WNK1: variants seen among roughly 807,000 people sequenced by gnomAD.
The protein encoded by WNK1 is serine/threonine-protein kinase WNK1.
A neutral mutation model predicts 222.8 loss-of-function variants in WNK1; 38 were observed. That is an observed-to-expected ratio of 0.17 (90% confidence interval 0.13 to 0.22). The LOEUF (loss-of-function observed/expected upper bound fraction) is 0.22. Ranked by LOEUF, WNK1 falls within the 10% of genes least tolerant of loss-of-function variation. The pLI is 1.00. For missense variants in WNK1, 2,348 were observed against 2,918.4 expected (o/e 0.80, Z 4.50); for synonymous variants, 1,090 against 1,092.9 (o/e 1.00, Z 0.05).
chr12:868,833 A>G lies in WNK1; in HGVS notation c.2140-2432A>G, dbSNP rs773666179. On this transcript the variant is annotated intron_variant, in intron 8 of 27. Transcript: ENST00000315939. ...CCAGAATTGACCGTTTCTGTGGTAG[A>G]GCCTATCGGACAGAACTGGCCAATA... 11 of 1,614,050 alleles carry G rather than the reference A, an allele frequency of 6.8e-6. No homozygotes were observed. The South Asian group carries it at 1.2e-4, about 18-fold the overall frequency.
chr12:837,606 A>G (rs1949297556), intron 4 of WNK1, among the ~76,000 whole-genome samples: 1 of 151,808 alleles, frequency 6.6e-6, no homozygotes, highest in South Asian at 2.1e-4. Flanking sequence ...AAGAAAAGAA[A>G]AAAGATAGAA....
rs186306447 is a variant in WNK1, at chr12:900,748, G to A, written c.6643+78G>A. 105 of 1,567,420 alleles carry A rather than the reference G, an allele frequency of 6.7e-5. 1 individual carries two copies. The Middle Eastern group carries it at 2.8e-3, about 42-fold the overall frequency. ...ACCTGGGACAAAAGCCTGTTAAGGC[G>A]GGTTGGGAGACTAGCTGACCAGAAC... On this transcript the variant is annotated intron_variant, in intron 26 of 27. Transcript: ENST00000315939.
rs577468753 is a variant in WNK1 at position 776,686 on chromosome 12, T to C, written c.759+22362T>C. 4.6e-5 allele frequency among the ~76,000 whole-genome samples: 7 copies of C among 152,198 alleles called. No individual in the cohort carries two copies. In the South Asian group the frequency reaches 1.5e-3, roughly 32 times the overall value. On this transcript the variant is annotated intron_variant, in intron 1 of 27. Transcript: ENST00000315939. ...ACCTCGTGATCTGCCCGCCTTGGCC[T>C]CCCAAAGCGCTGGGATTACAGGTGT...
chr12:833,364 A>G (rs1274112302), intron 4 of WNK1, among the ~76,000 whole-genome samples: 2 of 152,224 alleles, frequency 1.3e-5, no homozygotes, highest in African/African-American at 2.4e-5. Context: ...GTTTGCTGAT[A>G]TCAGAGCAAG....
At chr12:768,703 T>G (rs563390073) in intron 1 of WNK1, among the ~76,000 whole-genome samples, 4 of 152,350 alleles carry the variant, frequency 2.6e-5, no homozygotes, top group African/African-American at 9.6e-5. Context: ...GTTTTAAACA[T>G]CTGCCATTCT....
chr12:763,210 T>A (rs976727134), intron 1 of WNK1, among the ~76,000 whole-genome samples: 5 of 147,452 alleles, frequency 3.4e-5, no homozygotes, highest in African/African-American at 9.7e-5. Context: ...GCATTAACAG[T>A]GTGAATATGC....
At position 752,792 on chromosome 12, in the gene WNK1, C is replaced by T. The variant is rs986598480; in HGVS notation, c.-774C>T. Reference sequence around the variant, plus strand: ...GGGCCCCGCGGTGAGCGGCCCTCCCCTCCCCGCCGTTCCCTCCTCCGTCAG... The same window carrying T: ...GGGCCCCGCGGTGAGCGGCCCTCCCTTCCCCGCCGTTCCCTCCTCCGTCAG... On this transcript the variant is annotated 5_prime_UTR_variant, in exon 1 of 28. Coordinates refer to ENST00000315939, the MANE Select transcript of WNK1 (RefSeq NM_018979.4). 2.6e-5 allele frequency: 4 copies of T among 152,344 alleles called. No homozygotes were observed. Among genetic ancestry groups the T allele is most frequent in the Non-Finnish European group, 2.9e-5 (2 of 68,170 alleles). The allele number at this position is 152,344 out of a possible 1,614,324, so 9.4% of individuals were successfully genotyped here. A position where few individuals can be genotyped will look rare whatever the true frequency, so the allele number is the denominator to read the frequency against.
intron 1 of WNK1, among the ~76,000 whole-genome samples, chr12:759,037 T>C (rs1242295665): frequency 6.8e-6 from 1 of 146,820 alleles, no homozygotes; most frequent in African/African-American, 2.4e-5. Context: ...TGTATATAAA[T>C]ATAAATAAAA....
chr12:825,160 G>A (rs546491861), intron 2 of WNK1, among the ~76,000 whole-genome samples: 5 of 152,118 alleles, frequency 3.3e-5, no homozygotes, highest in South Asian at 4.2e-4. Flanking sequence ...CCATCATATC[G>A]GAAAATGCCC....
chr12:844,141 T>G (rs1380893800), intron 4 of WNK1, among the ~76,000 whole-genome samples: 1 of 146,732 alleles, frequency 6.8e-6, no homozygotes, highest in Non-Finnish European at 1.5e-5. Context: ...TTTTATTTTA[T>G]TTTTTTTTGA....
At position 888,200 on chromosome 12, in the gene WNK1, G is replaced by T. The variant is rs72650746; in HGVS notation, c.5364+896G>T. On this transcript the variant is annotated intron_variant, in intron 20 of 27. Coordinates refer to ENST00000315939, the MANE Select transcript of WNK1 (RefSeq NM_018979.4). ...AATTGCTTACTTGAGAAGCTGAGTT[G>T]GAATTTATCCCTATTTCTTTGGTCC... 2.7e-3 allele frequency among the ~76,000 whole-genome samples: 410 copies of T among 152,084 alleles called. 2 individuals carry two copies. The highest frequency in any genetic ancestry group is 0.01 in the Middle Eastern group (3 of 294).
In WNK1 at chr12:829,867, C is replaced by G. The variant is rs1451352753; in HGVS notation, c.1154-136C>G. ...GACTGACTGAGAAGATTTCCTTCCT[C>G]TTTTCTCCCCCTTTCCTTTTTTCTC... On this transcript the variant is annotated intron_variant, in intron 3 of 27. Transcript: ENST00000315939. The G allele has an allele frequency of 1.1e-5, 10 of 888,054 alleles. No individual in the cohort carries two copies. The African/African-American group carries it at 1.5e-4, about 13-fold the overall frequency. The allele number at this position is 888,054 out of a possible 1,614,324, so 55.0% of individuals were successfully genotyped here.
intron 1 of WNK1, among the ~76,000 whole-genome samples, chr12:778,276 T>C (rs936091908): frequency 6.6e-6 from 1 of 152,186 alleles, no homozygotes. Flanking sequence ...ATCTTGAAAT[T>C]TATGTAAAAT....
chr12:786,324 A>G (rs978413387), intron 1 of WNK1, among the ~76,000 whole-genome samples: 2 of 152,352 alleles, frequency 1.3e-5, no homozygotes, highest in Non-Finnish European at 2.9e-5. Context: ...TGGGTTAAGC[A>G]TGAATGTTAT....
chr12:872,675 A>G (rs886524683), intron 9 of WNK1, among the ~76,000 whole-genome samples: 2 of 152,234 alleles, frequency 1.3e-5, no homozygotes, highest in African/African-American at 2.4e-5. Flanking sequence ...ATGTAATGCA[A>G]ACTTCCTAAT....
intron 1 of WNK1, among the ~76,000 whole-genome samples, chr12:776,414 G>GTGTGTT (rs1943100955): frequency 2.5e-5 from 2 of 81,388 alleles, no homozygotes; most frequent in African/African-American, 9.8e-5. Flanking sequence ...TTGTGTGTTT[G>GTGTGTT]TGTGTGTGTG....
intron 1 of WNK1, among the ~76,000 whole-genome samples, chr12:802,494 T>A (rs1390168582): frequency 6.6e-6 from 1 of 152,192 alleles, no homozygotes; most frequent in African/African-American, 2.4e-5. Flanking sequence ...GATCTATCCT[T>A]GTTCAGTATA....
In WNK1 at chr12:754,258, C is replaced by T. The variant is rs772851053; in HGVS notation, c.693C>T (p.Ser231=). Residue 231 remains serine (S), a synonymous_variant, in exon 1 of 28, where the codon TCC becomes TCT. Transcript: ENST00000315939. ...LKFDIEIGRG[S]FKTVYKGLDT... ...TTGACATCGAAATCGGCAGAGGCTC[C>T]TTTAAGACGGTCTACAAAGGTCTGG... 3.7e-6 allele frequency: 6 copies of T among 1,613,656 alleles called. No homozygotes were observed. The highest frequency in any genetic ancestry group is 2.7e-5 in the African/African-American group (2 of 75,068).
At chr12:772,423 GTA>G (rs1191901994) in intron 1 of WNK1, among the ~76,000 whole-genome samples, 3 of 69,382 alleles carry the variant, frequency 4.3e-5, no homozygotes, top group Non-Finnish European at 7.4e-5. Flanking sequence ...GTGTGTGTGT[GTA>G]TGTATGTGTG....
Sources: allele counts gnomAD v4.1 joint callset (sites outside exome capture counted in the v4.1 genomes callset), GRCh38; gene constraint gnomAD v4.1.1; transcripts MANE v1.5; gene names NCBI Gene and HGNC (gene_info 2026-07-23, HGNC 2026-07-21).